Variants in ZNF221 observed in about 807,000 individuals in gnomAD.
The protein encoded by ZNF221 is zinc finger protein 221.
A neutral mutation model predicts 12.6 loss-of-function variants in ZNF221; 10 were observed. The observed-to-expected ratio is 0.79, with a 90% CI of 0.49 to 1.34. The LOEUF is 1.34. ZNF221 is among the 40% of genes most tolerant of loss of function. The pLI is 0.00. For missense variants in ZNF221, 661 were observed against 721.4 expected (o/e 0.92, Z 0.96); for synonymous variants, 232 against 244.0 (o/e 0.95, Z 0.46).
chr19:43,979,852 CT>C, the ZNF221 span, among the ~76,000 whole-genome samples: 2 of 152,138 alleles, frequency 1.3e-5, no homozygotes, highest in African/African-American at 4.8e-5. Context: ...AATTGGATTT[CT>C]CATCTTTTTT....
downstream of ZNF221, chr19:43,968,212 A>C (rs897279938): frequency 1.3e-5 from 2 of 152,312 alleles, no homozygotes; most frequent in African/African-American, 4.8e-5. Context: ...AGTTCAGCAT[A>C]CCCACGTGGT....
the ZNF221 span, among the ~76,000 whole-genome samples, chr19:43,976,165 T>G: frequency 0.89 from 134,513 of 151,968 alleles, 60,913 homozygotes; most frequent in East Asian, 0.98. Context: ...CCAAAGTGCT[T>G]GAATTATAGG....
downstream of ZNF221, among the ~76,000 whole-genome samples, chr19:43,972,282 G>A (rs1975113354): frequency 6.6e-6 from 1 of 152,094 alleles, no homozygotes; most frequent in Non-Finnish European, 1.5e-5. Flanking sequence ...CTAAAGAAGT[G>A]TTAAGACAGA....
At chr19:43,977,718 A>G in the ZNF221 span, among the ~76,000 whole-genome samples, 1 of 152,226 alleles carries the variant, frequency 6.6e-6, no homozygotes, top group East Asian at 1.9e-4. Flanking sequence ...GGTGTAACTT[A>G]ACTGTATTAG....
the ZNF221 span, among the ~76,000 whole-genome samples, chr19:43,981,029 G>GC: frequency 6.6e-6 from 1 of 151,972 alleles, no homozygotes; most frequent in African/African-American, 2.4e-5. Flanking sequence ...AATCGCTTGA[G>GC]CCCAGGACTT....
In ZNF221 at chr19:43,951,618, CTT is replaced by C. The variant is rs1974671869; in HGVS notation, c.-3+222_-3+223del. On this transcript the variant is annotated intron_variant, in intron 1 of 4. Coordinates refer to ENST00000587682, the MANE Select transcript of ZNF221 (RefSeq NM_001297588.2). Reference sequence around the variant, plus strand: ...GGTGTTACTTAATCTCCCTGGGACTCTTTTTGCTTTTCTTTAAATGGGGGATA... The same window carrying C: ...GGTGTTACTTAATCTCCCTGGGACTCTTTGCTTTTCTTTAAATGGGGGATA... Among the ~76,000 whole-genome samples, 4 of 152,214 alleles carry C rather than the reference CTT, an allele frequency of 2.6e-5. No homozygotes were observed. In the South Asian group the frequency reaches 6.2e-4, roughly 24 times the overall value.
the ZNF221 span, among the ~76,000 whole-genome samples, chr19:43,981,065 AGAC>A: frequency 2.0e-5 from 3 of 152,184 alleles, no homozygotes; most frequent in Non-Finnish European, 2.9e-5. Flanking sequence ...CAACATAGCA[AGAC>A]CTTGTTCTAA....
In ZNF221 at chr19:43,965,003, G is replaced by A; in HGVS notation, c.135G>A (p.Gly45=). 6.2e-7 allele frequency: 1 copy of A among 1,614,168 alleles called. No homozygotes were observed. The highest frequency in any genetic ancestry group is 8.5e-7 in the Non-Finnish European group (1 of 1,180,012). Residue 45 remains glycine (G), a synonymous_variant, in exon 3 of 5, where the codon GGG becomes GGA. Transcript: ENST00000587682. ...VAVVFTEEEL[G]LLDPAQRKLY... is the part of the protein sequence containing the mutation. The stretch of plus-strand genomic sequence containing the variant: ...TGGTCTTCACTGAGGAGGAGCTGGG[G>A]CTGCTGGACCCTGCCCAGAGGAAGC...
intron 1 of ZNF221, among the ~76,000 whole-genome samples, chr19:43,961,652 C>T (rs1023399096): frequency 3.3e-5 from 5 of 152,180 alleles, no homozygotes; most frequent in African/African-American, 1.2e-4. Flanking sequence ...CCCCATCCCC[C>T]AGTCCAAAGT....
chr19:43,977,376 G>C, the ZNF221 span: 1 of 152,166 alleles, frequency 6.6e-6, no homozygotes, highest in African/African-American at 2.4e-5. Flanking sequence ...ATTGTCATAT[G>C]ACAGTTCAAA....
At chr19:43,956,158 A>C (rs532875887) in intron 1 of ZNF221, among the ~76,000 whole-genome samples, 1 of 152,302 alleles carries the variant, frequency 6.6e-6, no homozygotes, top group East Asian at 1.9e-4. Flanking sequence ...CCTACATTCC[A>C]CATGGAGCTA....
downstream of ZNF221, among the ~76,000 whole-genome samples, chr19:43,968,795 C>T (rs879677194): frequency 6.6e-6 from 1 of 152,160 alleles, no homozygotes; most frequent in Non-Finnish European, 1.5e-5. Context: ...GAAACCTCAC[C>T]CCCACCCAAG....
chr19:43,956,287 A>G (rs1160986133), intron 1 of ZNF221, among the ~76,000 whole-genome samples: 1 of 152,184 alleles, frequency 6.6e-6, no homozygotes, highest in East Asian at 1.9e-4. Context: ...GGGTAGATTT[A>G]TATGCCTTCT....
intron 1 of ZNF221, among the ~76,000 whole-genome samples, chr19:43,955,387 G>A (rs1462171988): frequency 1.3e-5 from 2 of 152,150 alleles, no homozygotes; most frequent in Non-Finnish European, 2.9e-5. Flanking sequence ...TCTTTGCACT[G>A]CTGCACTACT....
intron 2 of ZNF221, 68 bp from the exon 3 acceptor site, chr19:43,964,882 C>T (rs10451441): frequency 0.04 from 63,838 of 1,606,104 alleles, 3,443 homozygotes; most frequent in African/African-American, 0.26. Context: ...CCTTTGCCTA[C>T]TTAGTGCCAC....
intron 1 of ZNF221, among the ~76,000 whole-genome samples, chr19:43,959,780 A>T (rs182702645): frequency 2.8e-4 from 43 of 152,296 alleles, no homozygotes; most frequent in Non-Finnish European, 5.3e-4. Context: ...TCTTTTCTTT[A>T]TAAATTACCC....
At chr19:43,973,985 A>C in the ZNF221 span, among the ~76,000 whole-genome samples, 1 of 152,170 alleles carries the variant, frequency 6.6e-6, no homozygotes, top group Admixed American at 6.5e-5. Context: ...GGCATTATGC[A>C]ACCCAACTTC....
chr19:43,965,321 T>C lies in ZNF221; in HGVS notation c.297T>C (p.Asn99=). 6.2e-7 allele frequency: 1 copy of C among 1,612,500 alleles called. No individual in the cohort carries two copies. The highest frequency in any genetic ancestry group is 1.7e-5 in the Admixed American group (1 of 59,682). ...AGACAACAAGCCAAAGAGAAGGGAA[T>C]TCAGGTAAGAACCAAGTAACTGTGC... The part of the protein sequence containing the change: ...KMKTTSQREG[N]SGGKIQIEME... The change falls in exon 4 of 5, where the codon AAT becomes AAC. Residue 99 remains asparagine (N), a synonymous_variant. Transcript: ENST00000587682.
At chr19:43,954,869 C>T (rs1974730620) in intron 1 of ZNF221, among the ~76,000 whole-genome samples, 1 of 152,138 alleles carries the variant, frequency 6.6e-6, no homozygotes, top group Admixed American at 6.5e-5. Context: ...CCTTTCCCAC[C>T]AGGTCTTCCC....
Sources: gnomAD v4.1 joint callset for allele counts (sites outside exome capture counted in the v4.1 genomes callset) on GRCh38, gnomAD v4.1.1 for gene constraint, MANE v1.5 for transcripts, NCBI Gene and HGNC (gene_info 2026-07-23, HGNC 2026-07-21) for gene names.